TBCD: variants seen among roughly 807,000 people sequenced by gnomAD.
TBCD encodes the protein tubulin folding cofactor D, also known as tubulin-specific chaperone D.
In TBCD, 105 loss-of-function variants were observed where a neutral mutation model predicts 169.3. That is an observed-to-expected ratio of 0.62 (90% CI 0.53 to 0.73). TBCD has a LOEUF of 0.73. Among genes scored for constraint, TBCD ranks in the 30% least tolerant of loss-of-function variants. The pLI, the probability that TBCD is intolerant of heterozygous loss-of-function variation, is 0.00. For missense variants in TBCD, 1,444 were observed against 1,600.1 expected, an observed-to-expected ratio of 0.90 and a Z score of 1.66; for synonymous variants, 700 against 643.9, an observed-to-expected ratio of 1.09 and a Z score of -1.32.
intron 13 of TBCD, among the ~76,000 whole-genome samples, chr17:82,865,981 G>A (rs913985366): frequency 6.6e-6 from 1 of 152,196 alleles, no homozygotes; most frequent in Non-Finnish European, 1.5e-5. Flanking sequence ...TTCTATACGC[G>A]ACATGCATTT....
chr17:82,770,706 T>G (rs1163654381), intron 5 of TBCD, among the ~76,000 whole-genome samples: 1 of 151,640 alleles, frequency 6.6e-6, no homozygotes, highest in Non-Finnish European at 1.5e-5. Context: ...TGGCACTCTG[T>G]GATTGCCGTT....
rs542517987 is a variant in TBCD, at chr17:82,930,903, G to T, written c.3113+260G>T. ...AATGACCGTTGTGTGTACAATGGAC[G>T]TAAAGGTAGTATGAGTACAAGGTGG... On this transcript the variant is annotated intron_variant, in intron 33 of 38. Transcript: ENST00000355528. This position sits in a 1 kb window ranked among gnomAD's most constrained non-coding sequence, Gnocchi z 5.2. Among the ~76,000 whole-genome samples the T allele has an allele frequency of 6.6e-6, 1 of 152,218 alleles. No individual in the cohort carries two copies. Among genetic ancestry groups the T allele is most frequent in the Non-Finnish European group, 1.5e-5 (1 of 68,036 alleles).
At position 82,847,209 on chromosome 17, in the gene TBCD, T is replaced by C. The variant is rs565982951; in HGVS notation, c.1319-23015T>C. On this transcript the variant is annotated intron_variant, in intron 13 of 38. Coordinates refer to ENST00000355528, the MANE Select transcript of TBCD (RefSeq NM_005993.5). ...TACTAAAAATACACAAAAAATTAGC[T>C]GGGCGTGGTGGTGGGTGCCTGTAAT... 2.2e-3 allele frequency among the ~76,000 whole-genome samples: 338 copies of C among 150,570 alleles called. 3 individuals carry two copies. The highest frequency in any genetic ancestry group is 4.2e-3 in the Non-Finnish European group (278 of 66,908).
At chr17:82,779,438 C>T (rs150095691) in intron 6 of TBCD, among the ~76,000 whole-genome samples, 6 of 152,294 alleles carry the variant, frequency 3.9e-5, no homozygotes, top group Non-Finnish European at 8.8e-5. Flanking sequence ...TCTTTACTTT[C>T]TGGAAATAGG....
At chr17:82,857,040 T>C (rs1301409944) in intron 13 of TBCD, among the ~76,000 whole-genome samples, 1 of 152,246 alleles carries the variant, frequency 6.6e-6, no homozygotes, top group African/African-American at 2.4e-5. Flanking sequence ...GTCCCCAAGC[T>C]GTTTCCACAG....
At position 82,920,640 on chromosome 17, in the gene TBCD, A is replaced by G; in HGVS notation, c.2101+22A>G. On this transcript the variant is annotated intron_variant, in intron 24 of 38. Coordinates refer to ENST00000355528, the MANE Select transcript of TBCD (RefSeq NM_005993.5). The surrounding 1 kb of genome is among the most constrained non-coding windows in gnomAD (Gnocchi z 4.1). ...ATTGGTAAGTGCTTTTGTTTTTAAT[A>G]ATAGCATTTTCTTACAGAATGACTT... 1 of 1,532,520 alleles carries G rather than the reference A, an allele frequency of 6.5e-7. No individual in the cohort carries two copies. 94.9% of individuals were successfully genotyped at this position (1,532,520 alleles called of 1,614,324 possible). A position where few individuals can be genotyped will look rare whatever the true frequency, so the allele number is the denominator to read the frequency against.
At position 82,874,827 on chromosome 17, in the gene TBCD, C is replaced by G. The variant is rs1363254421; in HGVS notation, c.1475+4447C>G. ...TCCCTTGGTTTGTCATAGGTGACCACATTTTAATTACCAGCTTTTATGCCC... is the reference window on the plus strand; with the variant it reads ...TCCCTTGGTTTGTCATAGGTGACCAGATTTTAATTACCAGCTTTTATGCCC... On this transcript the variant is annotated intron_variant, in intron 14 of 38. Coordinates refer to ENST00000355528, the MANE Select transcript of TBCD (RefSeq NM_005993.5). This position sits in a 1 kb window ranked among gnomAD's most constrained non-coding sequence, Gnocchi z 5.0. Among the ~76,000 whole-genome samples, 3 of 152,222 alleles carry G rather than the reference C, an allele frequency of 2.0e-5. No homozygotes were observed. The East Asian group carries it at 5.8e-4, about 29-fold the overall frequency.
chr17:82,847,152 C>T (rs1335831838), intron 13 of TBCD, among the ~76,000 whole-genome samples: 3 of 151,954 alleles, frequency 2.0e-5, no homozygotes, highest in Non-Finnish European at 4.4e-5. Flanking sequence ...GAGATCGAGA[C>T]CATCTTGTCT....
chr17:82,765,886 G>T (rs1378003568), intron 3 of TBCD, among the ~76,000 whole-genome samples: 1 of 152,124 alleles, frequency 6.6e-6, no homozygotes, highest in Non-Finnish European at 1.5e-5. Flanking sequence ...GATGCAGTCA[G>T]CTCACTGCAG....
At chr17:82,825,611 C>G (rs1018356256) in intron 13 of TBCD, among the ~76,000 whole-genome samples, 2 of 152,156 alleles carry the variant, frequency 1.3e-5, no homozygotes, top group South Asian at 4.1e-4. Flanking sequence ...TTAGGGACAG[C>G]TTGAAGCAGT....
intron 5 of TBCD, among the ~76,000 whole-genome samples, 171 bp from the exon 6 acceptor site, chr17:82,772,281 T>C (rs1374540833): frequency 6.6e-6 from 1 of 152,156 alleles, no homozygotes; most frequent in African/African-American, 2.4e-5. Context: ...AGCCCTTGGC[T>C]CAGATTGAAG....
At chr17:82,812,212 A>T (rs372263520) in intron 12 of TBCD, among the ~76,000 whole-genome samples, 8 of 152,172 alleles carry the variant, frequency 5.3e-5, no homozygotes, top group African/African-American at 1.9e-4. Context: ...AACCAACTGA[A>T]CCTGTGCCCG....
chr17:82,942,362 A>C, intron 38 of TBCD, 87 bp from the exon 39 acceptor site: 1 of 1,591,042 alleles, frequency 6.3e-7, no homozygotes, highest in Non-Finnish European at 8.6e-7. Context: ...CAGTCCCCAC[A>C]CAGGGCCCAG....
chr17:82,935,205 T>TCTTG, intron 34 of TBCD, among the ~76,000 whole-genome samples: 1 of 152,360 alleles, frequency 6.6e-6, no homozygotes, highest in South Asian at 2.1e-4. Flanking sequence ...GTGGGCTGAA[T>TCTTG]CTTGCCCTTA....
At position 82,884,130 on chromosome 17, in the gene TBCD, T is replaced by C; in HGVS notation, c.1476-15T>C. On this transcript the variant is annotated splice_polypyrimidine_tract_variant and intron_variant, in intron 14 of 38. Transcript: ENST00000355528. This position sits in a 1 kb window ranked among gnomAD's most constrained non-coding sequence, Gnocchi z 4.2. ...GCAGAATTTCTTTTTAATTAATCCT[T>C]TCTCTTTTTCACAGTGCACTGGTGA... The C allele has an allele frequency of 6.2e-7, 1 of 1,600,390 alleles. No individual in the cohort carries two copies. Among genetic ancestry groups the C allele is most frequent in the African/African-American group, 1.3e-5 (1 of 74,850 alleles).
At chr17:82,887,172 C>CGCGCGCGCGCGT (rs1567961618) in intron 15 of TBCD, among the ~76,000 whole-genome samples, 1 of 46,450 alleles carries the variant, frequency 2.2e-5, no homozygotes, top group Non-Finnish European at 4.2e-5. Flanking sequence ...TGTGTGTGCG[C>CGCGCGCGCGCGT]GCGCGCGCAC....
intron 7 of TBCD, among the ~76,000 whole-genome samples, chr17:82,793,921 C>T (rs76147398): frequency 0.014 from 2,109 of 152,304 alleles, 26 homozygotes; most frequent in Non-Finnish European, 0.022. Context: ...GAAAGGGGAA[C>T]AGACTCGCTC....
intron 18 of TBCD, among the ~76,000 whole-genome samples, chr17:82,901,343 T>C (rs4986135): frequency 0.99 from 151,401 of 152,350 alleles, 75,235 homozygotes; most frequent in East Asian, 1. Flanking sequence ...CGAGGAGCGG[T>C]AGGTGCCTGT....
intron 7 of TBCD, among the ~76,000 whole-genome samples, chr17:82,784,907 A>C (rs1275693749): frequency 1.3e-5 from 2 of 151,980 alleles, no homozygotes; most frequent in Non-Finnish European, 2.9e-5. Context: ...TGCTGTGACT[A>C]AGACCACTGG....
Sources: gnomAD v4.1 joint callset for allele counts (sites outside exome capture counted in the v4.1 genomes callset) on GRCh38, gnomAD v4.1.1 for gene constraint, Gnocchi (gnomAD v3.1) non-coding constraint, MANE v1.5 for transcripts, NCBI Gene and HGNC (gene_info 2026-07-23, HGNC 2026-07-21) for gene names.